The following FOXD4 variants were observed in gnomAD, a reference collection of about 807,000 sequenced individuals.
FOXD4 encodes the protein forkhead box D4, also known as forkhead box protein D4.
In FOXD4, 22 loss-of-function variants were observed where a neutral mutation model predicts 26.5. That is an observed-to-expected ratio of 0.83 (90% CI 0.59 to 1.18). The LOEUF is 1.18. Ranked by LOEUF, FOXD4 falls within the 50% of genes most tolerant of loss-of-function variation. The probability of loss-of-function intolerance (pLI) is 0.00; values close to 1 mark genes in which losing one functional copy is unlikely to be tolerated. For missense variants in FOXD4, 625 were observed against 605.8 expected, an observed-to-expected ratio of 1.03 and a Z score of -0.33; for synonymous variants, 258 against 273.7, an observed-to-expected ratio of 0.94 and a Z score of 0.57.
rs1819431247 is a variant in FOXD4, at chr9:118,338, C to G, written c.-219G>C. The G allele has an allele frequency of 2.2e-6, 2 of 908,202 alleles. No homozygotes were observed. Among genetic ancestry groups the G allele is most frequent in the East Asian group, 2.7e-5 (1 of 37,510 alleles). 56.3% of individuals were successfully genotyped at this position (908,202 alleles called of 1,614,324 possible). ...CTTCTTCAAGACCATGTGTGGTGGA[C>G]GCCTCCCTTTATAACCCTTCTTCCC... is the stretch of plus-strand genomic sequence containing the variant. On this transcript the variant is annotated 5_prime_UTR_variant, in exon 1 of 1. Transcript: ENST00000382500.
rs1819405180 is a variant in FOXD4 at position 117,706 on chromosome 9, G to A, written c.414C>T (p.Phe138=). The stretch of plus-strand genomic sequence containing the variant: ...CGGGGAACTTGCGGCGGTAGTAGGG[G>A]AAGCGGTCACTAATGAAGGCGCAGA... ...SGICAFISDR[F]PYYRRKFPAW... Residue 138 remains phenylalanine, a synonymous_variant, in exon 1 of 1, where the codon TTC becomes TTT. Transcript: ENST00000382500. The A allele has an allele frequency of 2.5e-6, 4 of 1,612,800 alleles. No individual in the cohort carries two copies. The South Asian group carries it at 4.4e-5, about 18-fold the overall frequency.
rs200729989 is a variant in FOXD4, at chr9:117,350, G to C, written c.770C>G (p.Ala257Gly). ...PNTGPGRRPY[A>G]LLHPHPPRYL... ...GCGAGGAGGATGCGGGTGCAGCAGA[G>C]CGTAAGGGCGTCTCCCGGGGCCGGT... The change falls in exon 1 of 1, where the codon GCT becomes GGT. Residue 257 changes from alanine (A) to glycine (G), a missense_variant. This residue lies in a region of FOXD4 where 92 missense variants were observed against 144.2 expected (regional missense o/e 0.64). Transcript: ENST00000382500. The C allele has an allele frequency of 3.4e-3, 5,408 of 1,591,832 alleles. 78 individuals carry two copies. Among genetic ancestry groups the C allele is most frequent in the African/African-American group, 0.03 (2,246 of 74,156 alleles).
chr9:116,989 G>T, the FOXD4 span: 1 of 1,612,004 alleles, frequency 6.2e-7, no homozygotes, highest in Non-Finnish European at 8.5e-7. Context: ...TGGTGGGAGC[G>T]CAGCCGTTGG....
chr9:117,601 G>T lies in FOXD4; in HGVS notation c.519C>A (p.Gly173=). ...VKIPREPGRP[G]KGNYWSLDPA... is the part of the protein sequence containing the mutation. Reference sequence around the variant, plus strand: ...GGTCCAGGCTCCAGTAGTTGCCCTTGCCTGGGCGGCCCGGCTCGCGGGGGA... The same window carrying T: ...GGTCCAGGCTCCAGTAGTTGCCCTTTCCTGGGCGGCCCGGCTCGCGGGGGA... Residue 173 remains glycine, a synonymous_variant, in exon 1 of 1, where the codon GGC becomes GGA. Coordinates refer to ENST00000382500, the MANE Select transcript of FOXD4 (RefSeq NM_207305.5). 6.2e-7 allele frequency: 1 copy of T among 1,613,898 alleles called. No individual in the cohort carries two copies. The highest frequency in any genetic ancestry group is 8.5e-7 in the Non-Finnish European group (1 of 1,180,046).
Position 116,703 on chromosome 9 carries a change from G to T in FOXD4, c.*97C>A. ...ACCATTTTGCAGGGAACAGAAGTTC[G>T]TGTTTGCTCTCCAGCGGGATTCAGA... On this transcript the variant is annotated 3_prime_UTR_variant, in exon 1 of 1. Transcript: ENST00000382500. The T allele has an allele frequency of 1.3e-6, 2 of 1,505,442 alleles. No homozygotes were observed. Among genetic ancestry groups the T allele is most frequent in the East Asian group, 2.3e-5 (1 of 44,086 alleles). 93.3% of individuals were successfully genotyped at this position (1,505,442 alleles called of 1,614,324 possible).
In FOXD4 at chr9:116,759, G is replaced by A; in HGVS notation, c.*41C>T. ...ACGCCCAGTATGGGCCGCGCAAGGT[G>A]GAGTGAGCAGCTGCGGGTCGCTCCC... On this transcript the variant is annotated 3_prime_UTR_variant, in exon 1 of 1. Transcript: ENST00000382500. The A allele has an allele frequency of 1.3e-6, 2 of 1,555,522 alleles. No individual in the cohort carries two copies. Among genetic ancestry groups the A allele is most frequent in the South Asian group, 2.5e-5 (2 of 81,116 alleles).
rs759444503 is a variant in FOXD4 at position 117,551 on chromosome 9, T to C, written c.569A>G (p.Asn190Ser). ...LDPASQDMFD[N>S]GSFLRRRKRF... ...CTTCCTACGCCGGAGAAAGCTGCCA[T>C]TGTCGAACATGTCCTGGGAGGCGGG... Residue 190 changes from asparagine (N) to serine (S), a missense_variant, in exon 1 of 1, where the codon AAT becomes AGT. Asn to Ser is a conservative substitution (Grantham distance 46). Transcript: ENST00000382500. 17 of 1,613,010 alleles carry C rather than the reference T, an allele frequency of 1.1e-5. No individual in the cohort carries two copies. In the African/African-American group the frequency reaches 2.1e-4, roughly 20 times the overall value.
chr9:116,671 C>T lies in FOXD4; in HGVS notation c.*129G>A, dbSNP rs1310592896. On this transcript the variant is annotated 3_prime_UTR_variant, in exon 1 of 1. Transcript: ENST00000382500. Reference sequence around the variant, plus strand: ...TTAGAGGAACGTAATCCAGCTGTTTCTTTCTAACCATTTTGCAGGGAACAG... The same window carrying T: ...TTAGAGGAACGTAATCCAGCTGTTTTTTTCTAACCATTTTGCAGGGAACAG... The T allele has an allele frequency of 1.4e-6, 2 of 1,437,136 alleles. No individual in the cohort carries two copies. The highest frequency in any genetic ancestry group is 1.9e-6 in the Non-Finnish European group (2 of 1,065,464). 89.0% of individuals were successfully genotyped at this position (1,437,136 alleles called of 1,614,324 possible). A position where few individuals can be genotyped will look rare whatever the true frequency, so the allele number is the denominator to read the frequency against.
In FOXD4 at chr9:117,365, C is replaced by A. The variant is rs1231311862; in HGVS notation, c.755G>T (p.Gly252Val). Residue 252 changes from glycine to valine, a missense_variant, in exon 1 of 1, where the codon GGG becomes GTG. Coordinates refer to ENST00000382500, the MANE Select transcript of FOXD4 (RefSeq NM_207305.5). ...GTGCAGCAGAGCGTAAGGGCGTCTC[C>A]CGGGGCCGGTGTTGGGGTAGGCCCC... Reference protein sequence around the residue: ...VPGAYPNTGPGRRPYALLHPH... With the variant: ...VPGAYPNTGPVRRPYALLHPH... 1 of 1,584,938 alleles carries A rather than the reference C, an allele frequency of 6.3e-7. No individual in the cohort carries two copies. The highest frequency in any genetic ancestry group is 1.1e-5 in the South Asian group (1 of 90,646).
chr9:117,662 C>T lies in FOXD4; in HGVS notation c.458G>A (p.Arg153His), dbSNP rs1003199743. 5.6e-6 allele frequency: 9 copies of T among 1,613,516 alleles called. No individual in the cohort carries two copies. The African/African-American group carries it at 8.0e-5, about 14-fold the overall frequency. Residue 153 changes from arginine (R) to histidine (H), a missense_variant, in exon 1 of 1, where the codon CGC (arginine) becomes CAC (histidine). Around this residue, in one of 3 missense-constraint regions of FOXD4, gnomAD observed 399 missense variants for 329.4 expected, o/e 1.21. Coordinates refer to ENST00000382500, the MANE Select transcript of FOXD4 (RefSeq NM_207305.5). ...RKFPAWQNSI[R>H]HNLSLNDCFV... ...GCAGTCGTTCAGCGAGAGGTTGTGGCGGATGCTGTTCTGCCAGGCGGGGAA... is the reference window on the plus strand; with the variant it reads ...GCAGTCGTTCAGCGAGAGGTTGTGGTGGATGCTGTTCTGCCAGGCGGGGAA...
chr9:118,175 G>GA lies in FOXD4; in HGVS notation c.-57_-56insT. The GA allele has an allele frequency of 6.2e-7, 1 of 1,611,266 alleles. No individual in the cohort carries two copies. The highest frequency in any genetic ancestry group is 8.5e-7 in the Non-Finnish European group (1 of 1,179,684). On this transcript the variant is annotated 5_prime_UTR_variant, in exon 1 of 1. Coordinates refer to ENST00000382500, the MANE Select transcript of FOXD4 (RefSeq NM_207305.5). Reference sequence around the variant, plus strand: ...GTGGCGGCCGGATCACCTGGCCCCGGCGGGCTGAGCTGGAAGCCCGGGATG... The same window carrying GA: ...GTGGCGGCCGGATCACCTGGCCCCGGACGGGCTGAGCTGGAAGCCCGGGATG...
rs1819419934 is a variant in FOXD4 at position 118,003 on chromosome 9, C to T, written c.117G>A (p.Glu39=). ...VLGEEEDEDE[E]EAASQQFLEQ... is the part of the protein sequence containing the mutation. ...CTAGGAACTGCTGGCTCGCCGCCTC[C>T]TCCTCGTCTTCATCTTCCTCCTCTC... Residue 39 remains glutamate (E), a synonymous_variant, in exon 1 of 1, where the codon GAG becomes GAA. Transcript: ENST00000382500. 4 of 1,611,992 alleles carry T rather than the reference C, an allele frequency of 2.5e-6. No homozygotes were observed. The African/African-American group carries it at 4.0e-5, about 16-fold the overall frequency.
rs1049221266 is a variant in FOXD4, at chr9:118,329, T to G, written c.-210A>C. Reference sequence around the variant, plus strand: ...TTATAAAAGCTTCTTCAAGACCATGTGTGGTGGACGCCTCCCTTTATAACC... The same window carrying G: ...TTATAAAAGCTTCTTCAAGACCATGGGTGGTGGACGCCTCCCTTTATAACC... On this transcript the variant is annotated 5_prime_UTR_variant, in exon 1 of 1. Coordinates refer to ENST00000382500, the MANE Select transcript of FOXD4 (RefSeq NM_207305.5). The G allele has an allele frequency of 3.1e-6, 3 of 967,646 alleles. No homozygotes were observed. The highest frequency in any genetic ancestry group is 3.4e-5 in the South Asian group (2 of 58,538). 59.9% of individuals were successfully genotyped at this position (967,646 alleles called of 1,614,324 possible).
In FOXD4 at chr9:117,417, C is replaced by T; in HGVS notation, c.703G>A (p.Ala235Thr). 1 of 1,591,780 alleles carries T rather than the reference C, an allele frequency of 6.3e-7. No homozygotes were observed. Among genetic ancestry groups the T allele is most frequent in the South Asian group, 1.1e-5 (1 of 90,600 alleles). Reference protein sequence around the residue: ...HNPRPGPLLGAPAPPQPVPGA... With the variant: ...HNPRPGPLLGTPAPPQPVPGA... ...GGGACTGGCTGCGGCGGGGCAGGGG[C>T]CCCAAGCAGAGGGCCTGGGCGGGGG... Residue 235 changes from alanine to threonine, a missense_variant, in exon 1 of 1, where the codon GCC becomes ACC. Transcript: ENST00000382500.
chr9:118,321 A>G lies in FOXD4; in HGVS notation c.-202T>C, dbSNP rs1563740242. ...TTCGCCTTTTATAAAAGCTTCTTCA[A>G]GACCATGTGTGGTGGACGCCTCCCT... On this transcript the variant is annotated 5_prime_UTR_variant, in exon 1 of 1. Transcript: ENST00000382500. 7.2e-6 allele frequency: 8 copies of G among 1,114,662 alleles called. No homozygotes were observed. The highest frequency in any genetic ancestry group is 1.0e-5 in the Non-Finnish European group (8 of 783,854). The allele number at this position is 1,114,662 out of a possible 1,614,324, so 69.0% of individuals were successfully genotyped here.
Position 117,293 on chromosome 9 carries a change from C to T in FOXD4, c.827G>A (p.Gly276Glu). 6.2e-7 allele frequency: 1 copy of T among 1,603,856 alleles called. No homozygotes were observed. Among genetic ancestry groups the T allele is most frequent in the Non-Finnish European group, 8.5e-7 (1 of 1,179,790 alleles). Reference protein sequence around the residue: ...YLLLSAPAYAGAPKKAEGADL... With the variant: ...YLLLSAPAYAEAPKKAEGADL... Reference sequence around the variant, plus strand: ...CGCGCCTTCTGCTTTCTTCGGTGCCCCGGCATAGGCGGGGGCCGAGAGCAG... The same window carrying T: ...CGCGCCTTCTGCTTTCTTCGGTGCCTCGGCATAGGCGGGGGCCGAGAGCAG... Residue 276 changes from glycine (G) to glutamate (E), a missense_variant, in exon 1 of 1, where the codon GGG (glycine) becomes GAG (glutamate). Physicochemically the swap from Gly to Glu is moderately conservative, Grantham distance 98 (BLOSUM62 -2). Transcript: ENST00000382500.
rs1479948551 is a variant in FOXD4 at position 116,499 on chromosome 9, T to C, written c.*301A>G. On this transcript the variant is annotated 3_prime_UTR_variant, in exon 1 of 1. Coordinates refer to ENST00000382500, the MANE Select transcript of FOXD4 (RefSeq NM_207305.5). ...GGAGGCTGTGTTTTTGTTTGCTTGC[T>C]TGTTTTTCTTTTAATGCCAGAACAA... 11 of 515,942 alleles carry C rather than the reference T, an allele frequency of 2.1e-5. No individual in the cohort carries two copies. In the African/African-American group the frequency reaches 2.1e-4, roughly 10 times the overall value. The allele number at this position is 515,942 out of a possible 1,614,324, so 32.0% of individuals were successfully genotyped here.
rs1819397250 is a variant in FOXD4 at position 117,527 on chromosome 9, T to A, written c.593A>T (p.Lys198Met). The A allele has an allele frequency of 6.2e-7, 1 of 1,612,186 alleles. No individual in the cohort carries two copies. Among genetic ancestry groups the A allele is most frequent in the Admixed American group, 1.7e-5 (1 of 60,008 alleles). ...FDNGSFLRRR[K>M]RFQRHQPTPG... ...GGTCGGTTGGTGGCGCTGGAAACGC[T>A]TCCTACGCCGGAGAAAGCTGCCATT... The change falls in exon 1 of 1, where the codon AAG becomes ATG. Residue 198 changes from lysine to methionine, a missense_variant. Lys to Met is a moderately conservative substitution (Grantham distance 95). This residue lies in a region of FOXD4 where 399 missense variants were observed against 329.4 expected (regional missense o/e 1.21). Transcript: ENST00000382500.
In FOXD4 at chr9:116,633, G is replaced by T. The variant is rs559817243; in HGVS notation, c.*167C>A. 2.1e-5 allele frequency: 25 copies of T among 1,175,946 alleles called. No individual in the cohort carries two copies. The South Asian group carries it at 3.9e-4, about 18-fold the overall frequency. 72.8% of individuals were successfully genotyped at this position (1,175,946 alleles called of 1,614,324 possible). ...TGACTTGACGCCCTGCGAAGGTTAC[G>T]TTCAGGTGGTTTTTAGAGGAACGTA... On this transcript the variant is annotated 3_prime_UTR_variant, in exon 1 of 1. Transcript: ENST00000382500.
Sources: allele counts gnomAD v4.1 joint callset, GRCh38; gene constraint gnomAD v4.1.1; regional missense constraint gnomAD v4.1.1; transcripts MANE v1.5; gene names NCBI Gene and HGNC (gene_info 2026-07-23, HGNC 2026-07-21).